AGBL4: variants seen among roughly 807,000 people sequenced by gnomAD.
AGBL4 encodes the protein cytosolic carboxypeptidase 6.
AGBL4 carries 58 observed loss-of-function variants against 66.4 expected under a neutral mutation model. The observed-to-expected ratio is 0.87, with a 90% CI of 0.71 to 1.09. AGBL4 has a LOEUF of 1.09. Ranked by LOEUF, AGBL4 falls within the 50% of genes least tolerant of loss-of-function variation. The pLI is 0.00. For missense variants in AGBL4, 579 were observed against 631.0 expected, an observed-to-expected ratio of 0.92 and a Z score of 0.88; for synonymous variants, 234 against 222.9, an observed-to-expected ratio of 1.05 and a Z score of -0.44.
At chr1:49,225,573 C>A (rs907166960) in intron 4 of AGBL4, among the ~76,000 whole-genome samples, 7 of 152,204 alleles carry the variant, frequency 4.6e-5, no homozygotes, top group Admixed American at 4.6e-4. Flanking sequence ...AGGATACACT[C>A]TCCAGGTGGG....
chr1:49,916,314 AC>A (rs1379815763), intron 1 of AGBL4, among the ~76,000 whole-genome samples: 1 of 152,170 alleles, frequency 6.6e-6, no homozygotes, highest in Non-Finnish European at 1.5e-5. Flanking sequence ...CGAACCCATC[AC>A]AAAGAAGCTA....
intron 5 of AGBL4, among the ~76,000 whole-genome samples, chr1:49,031,057 T>A (rs573741844): frequency 6.6e-6 from 1 of 152,136 alleles, no homozygotes; most frequent in Non-Finnish European, 1.5e-5. Context: ...TAAAAATGTA[T>A]TACATATTTC....
intron 1 of AGBL4, among the ~76,000 whole-genome samples, chr1:49,984,693 T>G (rs963905465): frequency 6.6e-6 from 1 of 152,190 alleles, no homozygotes; most frequent in African/African-American, 2.4e-5. Context: ...CTCTCCAAAT[T>G]TATAAAGACT....
intron 6 of AGBL4, among the ~76,000 whole-genome samples, chr1:48,746,227 T>A (rs138798379): frequency 6.6e-6 from 1 of 152,020 alleles, no homozygotes; most frequent in Non-Finnish European, 1.5e-5. Flanking sequence ...TAGTACAGAG[T>A]GGGTTTTTTT....
chr1:49,871,238 T>C (rs1178689173), intron 1 of AGBL4, among the ~76,000 whole-genome samples: 1 of 151,998 alleles, frequency 6.6e-6, no homozygotes, highest in Non-Finnish European at 1.5e-5. Flanking sequence ...AAATATTATT[T>C]AAAAATTTAT....
intron 6 of AGBL4, chr1:48,742,855 C>T (rs566447623): frequency 7.4e-7 from 1 of 1,343,698 alleles, no homozygotes; most frequent in Middle Eastern, 2.0e-4. Context: ...TATCAGCACA[C>T]CATGGCACAA....
chr1:48,593,093 T>C lies in AGBL4; in HGVS notation c.952-2108A>G, dbSNP rs189667105. 1.0e-3 allele frequency among the ~76,000 whole-genome samples: 154 copies of C among 152,300 alleles called. 2 individuals carry two copies. The highest frequency in any genetic ancestry group is 3.4e-3 in the African/African-American group (143 of 41,568). ...ATTTATAGTAAAAAAATCTCCCTTC[T>C]ACCAGTCACCCAGTTTTGCTCCCCA... On this transcript the variant is annotated intron_variant, in intron 9 of 13. Transcript: ENST00000371839.
At chr1:49,242,914 C>G (rs1295455869) in intron 4 of AGBL4, among the ~76,000 whole-genome samples, 2 of 151,568 alleles carry the variant, frequency 1.3e-5, no homozygotes, top group Non-Finnish European at 3.0e-5. Context: ...CCGGTCTATG[C>G]TAAGACTTGA....
chr1:48,886,117 G>A (rs1037522095), intron 5 of AGBL4, among the ~76,000 whole-genome samples: 4 of 152,212 alleles, frequency 2.6e-5, no homozygotes, highest in Admixed American at 2.6e-4. Context: ...AGGTGGCTAA[G>A]AGCCCTGCCT....
At chr1:49,272,737 A>C (rs1325482014) in intron 3 of AGBL4, among the ~76,000 whole-genome samples, 1 of 152,122 alleles carries the variant, frequency 6.6e-6, no homozygotes, top group Non-Finnish European at 1.5e-5. Context: ...TAAAAACTGG[A>C]AAGTCTTTAT....
At chr1:48,860,271 C>A (rs967991732) in intron 6 of AGBL4, among the ~76,000 whole-genome samples, 1 of 152,082 alleles carries the variant, frequency 6.6e-6, no homozygotes, top group Non-Finnish European at 1.5e-5. Flanking sequence ...TTTCAATAAG[C>A]CCATTTATTC....
At chr1:48,743,937 C>T (rs10788893) in intron 6 of AGBL4, among the ~76,000 whole-genome samples, 45,322 of 152,104 alleles carry the variant, frequency 0.3, 7,558 homozygotes, top group East Asian at 0.71. Context: ...GACGAAGTCT[C>T]TGTAGTATCA....
At chr1:49,020,036 G>T (rs973535694) in intron 5 of AGBL4, among the ~76,000 whole-genome samples, 47 of 152,200 alleles carry the variant, frequency 3.1e-4, no homozygotes, top group African/African-American at 1.1e-3. Flanking sequence ...ACCCTGAAAA[G>T]TAAGGGTTAT....
chr1:49,608,672 G>C (rs1481105552), intron 3 of AGBL4, among the ~76,000 whole-genome samples: 2 of 152,070 alleles, frequency 1.3e-5, no homozygotes, highest in Admixed American at 6.6e-5. Context: ...TTTGACATCT[G>C]TTTTGCAATG....
chr1:48,735,600 T>C (rs1648913647), intron 6 of AGBL4, among the ~76,000 whole-genome samples: 1 of 151,932 alleles, frequency 6.6e-6, no homozygotes, highest in African/African-American at 2.4e-5. Flanking sequence ...TACAGCCCTA[T>C]CTTTAGGGAG....
chr1:49,479,787 C>G (rs1225614356), intron 3 of AGBL4, among the ~76,000 whole-genome samples: 3 of 151,178 alleles, frequency 2.0e-5, no homozygotes, highest in East Asian at 3.9e-4. Context: ...CTGCAAGCTC[C>G]GCCTCCCGGG....
At chr1:48,743,972 CA>C (rs1456687146) in intron 6 of AGBL4, among the ~76,000 whole-genome samples, 3 of 152,168 alleles carry the variant, frequency 2.0e-5, no homozygotes, top group African/African-American at 7.2e-5. Flanking sequence ...GAAACTTGCA[CA>C]AAGCTGAATG....
intron 6 of AGBL4, among the ~76,000 whole-genome samples, chr1:48,742,281 G>T (rs1650030243): frequency 6.6e-6 from 1 of 152,148 alleles, no homozygotes; most frequent in African/African-American, 2.4e-5. Context: ...TAGGCATCTG[G>T]TTACATAGGA....
chr1:49,372,131 G>A (rs933308823), intron 3 of AGBL4, among the ~76,000 whole-genome samples: 1 of 152,062 alleles, frequency 6.6e-6, no homozygotes, highest in Admixed American at 6.6e-5. Flanking sequence ...GTTTTGAGTG[G>A]TGGGTTTTAA....
Sources: gnomAD v4.1 joint callset for allele counts (sites outside exome capture counted in the v4.1 genomes callset) on GRCh38, gnomAD v4.1.1 for gene constraint, MANE v1.5 for transcripts, NCBI Gene and HGNC (gene_info 2026-07-23, HGNC 2026-07-21) for gene names.